Variants in RYR3 observed in about 807,000 individuals in gnomAD.
The protein encoded by RYR3 is brain ryanodine receptor-calcium release channel.
RYR3 carries 207 observed loss-of-function variants against 584.3 expected under a neutral mutation model. That is an observed-to-expected ratio of 0.35 (90% confidence interval 0.32 to 0.40). The LOEUF (loss-of-function observed/expected upper bound fraction) is 0.40. RYR3 is among the 10% of genes least tolerant of loss of function. The probability of loss-of-function intolerance (pLI) is 1.00; values close to 1 mark genes in which losing one functional copy is unlikely to be tolerated. For missense variants in RYR3, 5,616 were observed against 6,089.2 expected (o/e 0.92, Z 2.59); for synonymous variants, 2,416 against 2,248.5 (o/e 1.07, Z -2.11).
intron 67 of RYR3, among the ~76,000 whole-genome samples, chr15:33,790,214 C>T (rs571673486): frequency 6.6e-6 from 1 of 151,096 alleles, no homozygotes; most frequent in East Asian, 2.0e-4. Context: ...AGGATGGTCT[C>T]AATCTCCTGA....
At chr15:33,407,993 T>C (rs1291686837) in intron 1 of RYR3, among the ~76,000 whole-genome samples, 1 of 143,170 alleles carries the variant, frequency 7.0e-6, no homozygotes, top group African/African-American at 2.6e-5. Flanking sequence ...AAAAAAATGA[T>C]ATCCCAGTTA....
intron 1 of RYR3, among the ~76,000 whole-genome samples, chr15:33,317,035 C>T (rs1462568142): frequency 6.6e-6 from 1 of 152,214 alleles, no homozygotes; most frequent in Non-Finnish European, 1.5e-5. Context: ...CAGGTAGGCT[C>T]CTCCCAGGAT....
Position 33,503,729 on chromosome 15 carries a change from C to T in RYR3, c.270C>T (p.Gly90=), listed in dbSNP as rs372479066. ...TGCTTGCCAACACAGGTGAAAATGGCGGCGAAGGGGTGAGTACCCGAATTG... is the reference window on the plus strand; with the variant it reads ...TGCTTGCCAACACAGGTGAAAATGGTGGCGAAGGGGTGAGTACCCGAATTG... ...QEMLANTGEN[G]GEGAAQGGGH... Residue 90 remains glycine (G), a synonymous_variant, in exon 3 of 104, where the codon GGC becomes GGT. Transcript: ENST00000634891. 256 of 1,607,388 alleles carry T rather than the reference C, an allele frequency of 1.6e-4. No homozygotes were observed. Among genetic ancestry groups the T allele is most frequent in the Non-Finnish European group, 2.0e-4 (238 of 1,175,804 alleles).
rs1013197416 is a variant in RYR3, at chr15:33,821,306, C to G, written c.10852C>G (p.Gln3618Glu). The G allele has an allele frequency of 1.2e-6, 2 of 1,602,698 alleles. No individual in the cohort carries two copies. Among genetic ancestry groups the G allele is most frequent in the African/African-American group, 2.7e-5 (2 of 74,654 alleles). The change falls in exon 79 of 104, where the codon CAA becomes GAA. Residue 3618 changes from glutamine (Q) to glutamate (E), a missense_variant. Gln to Glu is a conservative substitution (Grantham distance 29). Around this residue, in one of 9 missense-constraint regions of RYR3, gnomAD observed 954 missense variants for 1,132.2 expected, o/e 0.84. Coordinates refer to ENST00000634891, the MANE Select transcript of RYR3 (RefSeq NM_001036.6). ...EMEKQKTLYQ[Q>E]ARLHERGAAE... ...GGAGAAGCAAAAAACCCTCTATCAGCAAGCTCGGCTGCATGAGCGTGGTGC... is the reference window on the plus strand; with the variant it reads ...GGAGAAGCAAAAAACCCTCTATCAGGAAGCTCGGCTGCATGAGCGTGGTGC...
At chr15:33,569,097 C>T (rs899224899) in intron 12 of RYR3, among the ~76,000 whole-genome samples, 1 of 152,118 alleles carries the variant, frequency 6.6e-6, no homozygotes, top group Non-Finnish European at 1.5e-5. Flanking sequence ...ACACATTTTA[C>T]TCATTTAGTT....
Position 33,662,824 on chromosome 15 carries a change from G to T in RYR3, c.5294G>T (p.Gly1765Val), listed in dbSNP as rs1195613927. The stretch of plus-strand genomic sequence containing the variant: ...GAGCATAGTGCGGGGACAGAGGAGG[G>T]AGCAGAAAAGGAGGAAGTGACCCAG... ...FGEHSAGTEE[G>V]AEKEEVTQVE... The change falls in exon 35 of 104, where the codon GGA becomes GTA. Residue 1765 changes from glycine to valine, a missense_variant. Gly to Val is a moderately radical substitution (Grantham distance 109, BLOSUM62 -3). This residue lies in a region of RYR3 where 753 missense variants were observed against 741.0 expected (regional missense o/e 1.02). Coordinates refer to ENST00000634891, the MANE Select transcript of RYR3 (RefSeq NM_001036.6). The T allele has an allele frequency of 6.2e-7, 1 of 1,613,834 alleles. No homozygotes were observed. Among genetic ancestry groups the T allele is most frequent in the African/African-American group, 1.3e-5 (1 of 74,918 alleles).
At chr15:33,609,408 C>T (rs1473268129) in intron 18 of RYR3, among the ~76,000 whole-genome samples, 1 of 152,076 alleles carries the variant, frequency 6.6e-6, no homozygotes, top group East Asian at 1.9e-4. Flanking sequence ...GTAATCCCAG[C>T]ACTTTGGGAG....
chr15:33,440,048 G>A (rs1336253412), intron 1 of RYR3, among the ~76,000 whole-genome samples: 1 of 152,154 alleles, frequency 6.6e-6, no homozygotes, highest in African/African-American at 2.4e-5. Context: ...AGCACTTTGG[G>A]AGGCCAAGCT....
At chr15:33,461,679 A>G (rs991794756) in intron 1 of RYR3, among the ~76,000 whole-genome samples, 7 of 152,220 alleles carry the variant, frequency 4.6e-5, no homozygotes, top group Non-Finnish European at 1.0e-4. Flanking sequence ...AAGTTTTCCA[A>G]TGGAAACATT....
chr15:33,805,652 T>G (rs924447270), intron 69 of RYR3, among the ~76,000 whole-genome samples: 11 of 151,616 alleles, frequency 7.3e-5, no homozygotes, highest in African/African-American at 2.7e-4. Flanking sequence ...TAATTTTTTG[T>G]ATTTTTAGTA....
intron 1 of RYR3, among the ~76,000 whole-genome samples, chr15:33,320,595 T>C (rs1968835230): frequency 6.6e-6 from 1 of 152,214 alleles, no homozygotes; most frequent in Admixed American, 6.5e-5. Flanking sequence ...ATTTAACTTT[T>C]CCATGTTTCT....
intron 67 of RYR3, among the ~76,000 whole-genome samples, chr15:33,793,186 T>TAG (rs1186635804): frequency 1.3e-5 from 2 of 152,152 alleles, no homozygotes; most frequent in South Asian, 2.1e-4. Flanking sequence ...AAAAGACGCA[T>TAG]AGGGAAATGT....
chr15:33,530,081 ATC>A (rs945937131), intron 3 of RYR3, among the ~76,000 whole-genome samples: 7 of 152,150 alleles, frequency 4.6e-5, no homozygotes, highest in Non-Finnish European at 8.8e-5. Flanking sequence ...TTTCAGAGCC[ATC>A]TCTCGTTGGT....
At chr15:33,407,344 G>T (rs2141441853) in intron 1 of RYR3, among the ~76,000 whole-genome samples, 1 of 152,348 alleles carries the variant, frequency 6.6e-6, no homozygotes, top group African/African-American at 2.4e-5. Context: ...AGGGTAAGAA[G>T]GATAGGGTAT....
chr15:33,464,932 T>G (rs2048366475), intron 1 of RYR3, among the ~76,000 whole-genome samples: 1 of 152,192 alleles, frequency 6.6e-6, no homozygotes, highest in South Asian at 2.1e-4. Flanking sequence ...CATTCTACTC[T>G]GCATCTATGA....
chr15:33,858,016 T>C, intron 99 of RYR3, 102 bp downstream of exon 99: 1 of 1,457,010 alleles, frequency 6.9e-7, no homozygotes, highest in African/African-American at 1.4e-5. Flanking sequence ...TCTTGAGAAC[T>C]GTAGAGTTAG....
At position 33,670,549 on chromosome 15, in the gene RYR3, A is replaced by T; in HGVS notation, c.5853A>T (p.Arg1951Ser). 6.3e-7 allele frequency: 1 copy of T among 1,575,042 alleles called. No individual in the cohort carries two copies. Among genetic ancestry groups the T allele is most frequent in the South Asian group, 1.2e-5 (1 of 83,906 alleles). ...EKEQPTEEEE[R>S]CPTTLKELIS... ...AGCAGCCGACGGAGGAGGAGGAGAGATGCCCCAGTAAGTGACATTGCCTTT... is the reference window on the plus strand; with the variant it reads ...AGCAGCCGACGGAGGAGGAGGAGAGTTGCCCCAGTAAGTGACATTGCCTTT... The change falls in exon 38 of 104, where the codon AGA (arginine) becomes AGT (serine). Residue 1951 changes from arginine to serine, a missense_variant. Coordinates refer to ENST00000634891, the MANE Select transcript of RYR3 (RefSeq NM_001036.6).
At chr15:33,607,921 C>T (rs900215889) in intron 18 of RYR3, among the ~76,000 whole-genome samples, 2 of 152,056 alleles carry the variant, frequency 1.3e-5, no homozygotes, top group African/African-American at 4.8e-5. Context: ...ATGAGGTAGA[C>T]GTTATTCCTG....
intron 36 of RYR3, among the ~76,000 whole-genome samples, chr15:33,664,859 A>G (rs761419171): frequency 3.3e-5 from 5 of 152,050 alleles, no homozygotes; most frequent in Non-Finnish European, 5.9e-5. Context: ...TTCCTAACCT[A>G]TTTTAAAACG....
Sources: allele counts gnomAD v4.1 joint callset (sites outside exome capture counted in the v4.1 genomes callset), GRCh38; gene constraint gnomAD v4.1.1; regional missense constraint gnomAD v4.1.1; transcripts MANE v1.5; gene names NCBI Gene and HGNC (gene_info 2026-07-23, HGNC 2026-07-21).